The following EOGT variants were observed in gnomAD, a reference collection of about 807,000 sequenced individuals.
The protein encoded by EOGT is EGF domain-specific O-linked N-acetylglucosamine transferase.
EOGT carries 55 observed loss-of-function variants against 70.5 expected under a neutral mutation model. The observed-to-expected ratio is 0.78, with a 90% CI of 0.63 to 0.98. The LOEUF (loss-of-function observed/expected upper bound fraction) is 0.98. Ranked by LOEUF, EOGT falls within the 50% of genes least tolerant of loss-of-function variation. The probability of loss-of-function intolerance (pLI) is 0.00; values close to 1 mark genes in which losing one functional copy is unlikely to be tolerated. For synonymous variants in EOGT, 246 were observed against 217.1 expected (o/e 1.13, Z -1.17); for missense variants, 703 against 641.9 (o/e 1.10, Z -1.03).
In EOGT at chr3:68,975,723, T is replaced by A. The variant is rs1452810807; in HGVS notation, c.*1895A>T. 5 of 152,200 alleles carry A rather than the reference T, an allele frequency of 3.3e-5. No homozygotes were observed. The highest frequency in any genetic ancestry group is 1.2e-4 in the African/African-American group (5 of 41,454). 9.4% of individuals were successfully genotyped at this position (152,200 alleles called of 1,614,324 possible). On this transcript the variant is annotated 3_prime_UTR_variant, in exon 18 of 18. Coordinates refer to ENST00000383701, the MANE Select transcript of EOGT (RefSeq NM_001278689.2). ...TAATTCTTCTTATGTGATTTTAAGG[T>A]CTGAATCAAAGCCATTGCTACAGTG...
intron 9 of EOGT, among the ~76,000 whole-genome samples, chr3:68,998,668 A>T (rs1237082951): frequency 3.3e-5 from 5 of 152,044 alleles, no homozygotes; most frequent in Admixed American, 3.3e-4. Flanking sequence ...AGCCTGGCCA[A>T]CATAGTGAAA....
chr3:69,004,502 T>G lies in EOGT; in HGVS notation c.516-20A>C. On this transcript the variant is annotated intron_variant, in intron 7 of 17. Transcript: ENST00000383701. ...TTAAATCTGGTATATAACAAAACAT[T>G]AAGTTAAGTTCAGAAAACGTCTTCA... 1 of 1,563,970 alleles carries G rather than the reference T, an allele frequency of 6.4e-7. No individual in the cohort carries two copies.
intron 14 of EOGT, among the ~76,000 whole-genome samples, chr3:68,984,722 G>A (rs1312050060): frequency 6.6e-6 from 1 of 152,064 alleles, no homozygotes; most frequent in African/African-American, 2.4e-5. Context: ...GCCATCATCT[G>A]GGCAATGCGC....
intron 10 of EOGT, among the ~76,000 whole-genome samples, chr3:68,989,439 A>G (rs1370185730): frequency 2.6e-5 from 4 of 152,236 alleles, no homozygotes; most frequent in Admixed American, 6.5e-5. Context: ...TTTCAGAGCA[A>G]GAAAATGGGT....
intron 11 of EOGT, 49 bp downstream of exon 11, chr3:68,988,876 A>G: frequency 1.0e-6 from 1 of 984,304 alleles, no homozygotes; most frequent in Non-Finnish European, 1.5e-6. Context: ...TGAGTGAGTC[A>G]TCTGCACTCA....
intron 14 of EOGT, among the ~76,000 whole-genome samples, chr3:68,984,981 G>A (rs994997044): frequency 1.3e-5 from 2 of 152,098 alleles, no homozygotes; most frequent in African/African-American, 2.4e-5. Flanking sequence ...ATCACCAGCC[G>A]GGTGACCTTA....
intron 16 of EOGT, among the ~76,000 whole-genome samples, chr3:68,978,721 T>C (rs2107124698): frequency 6.6e-6 from 1 of 152,278 alleles, no homozygotes; most frequent in Admixed American, 6.5e-5. Context: ...AATACCTCTG[T>C]CTTTAAATGT....
chr3:68,988,339 G>C lies in EOGT; in HGVS notation c.1039C>G (p.Gln347Glu), dbSNP rs2090877432. Residue 347 changes from glutamine (Q) to glutamate (E), a missense_variant, in exon 13 of 18, where the codon CAG (glutamine) becomes GAG (glutamate). By Grantham distance (29) the Gln-to-Glu change is conservative. Transcript: ENST00000383701. ...QNTGLFRAFA[Q>E]HVLHRLNITQ... ...ATGTTTAGTCTGTGTAGTACATGCTGGGCAAATGCCCTGAATAGTCCAGTA... is the reference window on the plus strand; with the variant it reads ...ATGTTTAGTCTGTGTAGTACATGCTCGGCAAATGCCCTGAATAGTCCAGTA... 1 of 1,535,958 alleles carries C rather than the reference G, an allele frequency of 6.5e-7. No individual in the cohort carries two copies. The highest frequency in any genetic ancestry group is 2.4e-5 in the East Asian group (1 of 40,902).
rs1180393890 is a variant in EOGT, at chr3:68,975,560, A to T, written c.*2058T>A. The T allele has an allele frequency of 6.6e-6, 1 of 152,562 alleles. No individual in the cohort carries two copies. Among genetic ancestry groups the T allele is most frequent in the Non-Finnish European group, 1.5e-5 (1 of 67,986 alleles). The allele number at this position is 152,562 out of a possible 1,614,324, so 9.5% of individuals were successfully genotyped here. On this transcript the variant is annotated 3_prime_UTR_variant, in exon 18 of 18. Coordinates refer to ENST00000383701, the MANE Select transcript of EOGT (RefSeq NM_001278689.2). ...ACTTTTTTCAGATCATTTTTTCAGA[A>T]GTCAATGCCTTGCTGATGCAAAGCG... is the stretch of plus-strand genomic sequence containing the variant.
chr3:68,982,289 G>A (rs1054287582), intron 15 of EOGT, among the ~76,000 whole-genome samples: 17 of 152,144 alleles, frequency 1.1e-4, no homozygotes, highest in South Asian at 2.1e-4. Flanking sequence ...GGAGGCAGAG[G>A]CGGGCAGATC....
chr3:68,977,874 C>G (rs974186036), intron 17 of EOGT, 110 bp from the exon 18 acceptor site: 1 of 1,118,922 alleles, frequency 8.9e-7, no homozygotes, highest in African/African-American at 1.6e-5. Context: ...TGTTCTACAT[C>G]AGAGACCAGC....
intron 4 of EOGT, among the ~76,000 whole-genome samples, 157 bp downstream of exon 4, chr3:69,009,480 T>C (rs1306576315): frequency 6.6e-6 from 1 of 152,164 alleles, no homozygotes; most frequent in Admixed American, 6.5e-5. Flanking sequence ...TTTAAGCAGT[T>C]TAGTCACTTA....
At position 68,975,375 on chromosome 3, in the gene EOGT, T is replaced by C. The variant is rs2090448329; in HGVS notation, c.*2243A>G. The C allele has an allele frequency of 6.6e-6, 1 of 152,656 alleles. No homozygotes were observed. The highest frequency in any genetic ancestry group is 1.5e-5 in the Non-Finnish European group (1 of 68,044). 9.5% of individuals were successfully genotyped at this position (152,656 alleles called of 1,614,324 possible). A position where few individuals can be genotyped will look rare whatever the true frequency, so the allele number is the denominator to read the frequency against. ...CCACAAAAAGTCTCATAAAATTCCA[T>C]AAAGTGTCAAATGTATTTTCCTGTT... On this transcript the variant is annotated 3_prime_UTR_variant, in exon 18 of 18. Coordinates refer to ENST00000383701, the MANE Select transcript of EOGT (RefSeq NM_001278689.2).
At chr3:69,004,939 T>C (rs2091399587) in intron 7 of EOGT, among the ~76,000 whole-genome samples, 1 of 151,806 alleles carries the variant, frequency 6.6e-6, no homozygotes, top group Non-Finnish European at 1.5e-5. Flanking sequence ...GGTGCGCTTC[T>C]GTATCCCAGC....
chr3:68,984,590 T>C (rs1219260709), intron 14 of EOGT, among the ~76,000 whole-genome samples: 2 of 152,118 alleles, frequency 1.3e-5, no homozygotes, highest in Non-Finnish European at 2.9e-5. Flanking sequence ...TAGCCAAAGG[T>C]GCTTTCTTCC....
chr3:68,982,939 T>C, intron 14 of EOGT, 67 bp from the exon 15 acceptor site: 1 of 1,215,102 alleles, frequency 8.2e-7, no homozygotes, highest in Non-Finnish European at 1.1e-6. Flanking sequence ...CCCTTATGAG[T>C]CCTAAAATTT....
In EOGT at chr3:69,012,544, T is replaced by C. The variant is rs2091602532; in HGVS notation, c.-100A>G. ...CAGTGGAGAAGTAACGCTTAGGCGA[T>C]GGAAAAAATCTAAAGACGCAGATCA... On this transcript the variant is annotated 5_prime_UTR_variant, in exon 2 of 18. Transcript: ENST00000383701. 6.6e-6 allele frequency: 1 copy of C among 152,374 alleles called. No homozygotes were observed. Among genetic ancestry groups the C allele is most frequent in the African/African-American group, 2.4e-5 (1 of 41,446 alleles). 9.4% of individuals were successfully genotyped at this position (152,374 alleles called of 1,614,324 possible). A position where few individuals can be genotyped will look rare whatever the true frequency, so the allele number is the denominator to read the frequency against.
At chr3:68,988,141 C>G (rs545779778) in intron 13 of EOGT, among the ~76,000 whole-genome samples, 154 bp downstream of exon 13, 81 of 152,294 alleles carry the variant, frequency 5.3e-4, no homozygotes, top group African/African-American at 1.9e-3. Flanking sequence ...TCTTGAAATC[C>G]TGGACTCAAG....
At chr3:69,012,205 C>G (rs529083234) in intron 2 of EOGT, among the ~76,000 whole-genome samples, 10 of 152,322 alleles carry the variant, frequency 6.6e-5, no homozygotes, top group African/African-American at 1.7e-4. Context: ...CACAGCAACT[C>G]GGACCAGATT....
Sources: allele counts gnomAD v4.1 joint callset (sites outside exome capture counted in the v4.1 genomes callset), GRCh38; gene constraint gnomAD v4.1.1; transcripts MANE v1.5; gene names NCBI Gene and HGNC (gene_info 2026-07-23, HGNC 2026-07-21).